Variants in PKIA observed in about 807,000 individuals in gnomAD.
PKIA encodes the protein cAMP-dependent protein kinase inhibitor alpha.
A neutral mutation model predicts 7.6 loss-of-function variants in PKIA; 4 were observed. The observed-to-expected ratio is 0.52, with a 90% CI of 0.26 to 1.20. The LOEUF is 1.20. PKIA is among the 50% of genes most tolerant of loss of function. The pLI is 0.13. For missense variants in PKIA, 73 were observed against 86.2 expected, an observed-to-expected ratio of 0.85 and a Z score of 0.61; for synonymous variants, 21 against 30.7, an observed-to-expected ratio of 0.68 and a Z score of 1.04.
At chr8:78,568,258 A>G (rs1014334611) in intron 1 of PKIA, among the ~76,000 whole-genome samples, 1 of 152,200 alleles carries the variant, frequency 6.6e-6, no homozygotes. Context: ...TACCTCATGA[A>G]TCAGTCTAGC....
chr8:78,540,906 A>T (rs1479453523), intron 1 of PKIA, among the ~76,000 whole-genome samples: 1 of 152,056 alleles, frequency 6.6e-6, no homozygotes, highest in Non-Finnish European at 1.5e-5. Context: ...TTAATTTTGA[A>T]TAGCACATTA....
chr8:78,587,239 TG>T (rs1197463864), intron 2 of PKIA, among the ~76,000 whole-genome samples: 1 of 152,214 alleles, frequency 6.6e-6, no homozygotes, highest in Non-Finnish European at 1.5e-5. Flanking sequence ...CTTTCTTCCT[TG>T]GACTCTTACA....
At chr8:78,553,642 A>G (rs892445912) in intron 1 of PKIA, among the ~76,000 whole-genome samples, 13 of 151,522 alleles carry the variant, frequency 8.6e-5, no homozygotes, top group African/African-American at 2.9e-4. Context: ...TGCACTGCCA[A>G]TTTTTGGTCC....
intron 1 of PKIA, among the ~76,000 whole-genome samples, chr8:78,524,487 A>G (rs995114906): frequency 6.6e-5 from 10 of 151,666 alleles, no homozygotes; most frequent in South Asian, 2.1e-4. Flanking sequence ...AAGCTGAGAT[A>G]AAATGGGGCT....
At chr8:78,580,714 A>T (rs1462058675) in intron 2 of PKIA, among the ~76,000 whole-genome samples, 1 of 152,048 alleles carries the variant, frequency 6.6e-6, no homozygotes, top group Non-Finnish European at 1.5e-5. Context: ...AATTTGTTAA[A>T]ATACAGGGAG....
intron 1 of PKIA, among the ~76,000 whole-genome samples, chr8:78,547,901 TA>T: frequency 6.6e-6 from 1 of 152,280 alleles, no homozygotes; most frequent in South Asian, 2.1e-4. Flanking sequence ...CTACATGACC[TA>T]CTTTGTCCAG....
At chr8:78,549,504 T>G (rs1243202898) in intron 1 of PKIA, among the ~76,000 whole-genome samples, 1 of 151,986 alleles carries the variant, frequency 6.6e-6, no homozygotes. Context: ...TATAATTGAT[T>G]TAGAAATTCC....
intron 1 of PKIA, among the ~76,000 whole-genome samples, chr8:78,570,372 G>A (rs1807516676): frequency 1.3e-5 from 2 of 152,174 alleles, no homozygotes; most frequent in Admixed American, 1.3e-4. Flanking sequence ...GATGTCAGAA[G>A]TATTGGCATA....
Position 78,519,498 on chromosome 8 carries a change from A to C in PKIA, c.-157+3030A>C, listed in dbSNP as rs574559751. The stretch of plus-strand genomic sequence containing the variant: ...AATGTTGAAATGGAAAAGGAAAAAG[A>C]ATAGCAATAATAAGGCTCAAATAGA... On this transcript the variant is annotated intron_variant, in intron 1 of 3. Transcript: ENST00000396418. 2.1e-4 allele frequency among the ~76,000 whole-genome samples: 32 copies of C among 152,286 alleles called. No homozygotes were observed. The South Asian group carries it at 6.4e-3, about 31-fold the overall frequency.
chr8:78,540,113 T>C (rs1306216486), intron 1 of PKIA, among the ~76,000 whole-genome samples: 4 of 149,886 alleles, frequency 2.7e-5, no homozygotes, highest in African/African-American at 7.3e-5. Context: ...AGAAGCCTGA[T>C]TGTAGGAGAT....
At chr8:78,568,402 AT>A (rs1161413684) in intron 1 of PKIA, among the ~76,000 whole-genome samples, 1 of 152,188 alleles carries the variant, frequency 6.6e-6, no homozygotes, top group African/African-American at 2.4e-5. Context: ...CATGGTGTAT[AT>A]AGTCAAACTT....
chr8:78,543,645 A>G (rs890415948), intron 1 of PKIA, among the ~76,000 whole-genome samples: 3 of 152,208 alleles, frequency 2.0e-5, no homozygotes, highest in Non-Finnish European at 4.4e-5. Context: ...AGAGGCTGGT[A>G]TGGTGGTGCC....
At chr8:78,522,390 T>C (rs1270394093) in intron 1 of PKIA, among the ~76,000 whole-genome samples, 1 of 151,918 alleles carries the variant, frequency 6.6e-6, no homozygotes, top group African/African-American at 2.4e-5. Flanking sequence ...AGTGGAATTA[T>C]TGGGTCAGAG....
At chr8:78,523,973 T>C (rs1477785340) in intron 1 of PKIA, among the ~76,000 whole-genome samples, 3 of 124,796 alleles carry the variant, frequency 2.4e-5, no homozygotes, top group Non-Finnish European at 5.2e-5. Context: ...TATATAAACA[T>C]TTATATTTAT....
intron 1 of PKIA, among the ~76,000 whole-genome samples, chr8:78,570,922 CTTA>C (rs1807532138): frequency 6.6e-6 from 1 of 152,124 alleles, no homozygotes; most frequent in Non-Finnish European, 1.5e-5. Context: ...ATATTTCTCA[CTTA>C]TTATTGGTCC....
chr8:78,534,586 ATTC>A, intron 1 of PKIA: 1 of 152,122 alleles, frequency 6.6e-6, no homozygotes, highest in Admixed American at 6.6e-5. Flanking sequence ...CACATATACT[ATTC>A]CAGGTATGGT....
chr8:78,566,624 T>G (rs1807420527), intron 1 of PKIA, among the ~76,000 whole-genome samples: 1 of 152,100 alleles, frequency 6.6e-6, no homozygotes, highest in Non-Finnish European at 1.5e-5. Flanking sequence ...GAGTTTTCTG[T>G]TTTGGAAAAG....
chr8:78,601,274 T>C (rs1368064784), intron 3 of PKIA, among the ~76,000 whole-genome samples: 1 of 152,084 alleles, frequency 6.6e-6, no homozygotes, highest in African/African-American at 2.4e-5. Flanking sequence ...TCTGAGAAAT[T>C]AGCTGGGTTA....
chr8:78,598,317 C>T, intron 2 of PKIA, 41 bp from the exon 3 acceptor site: 1 of 1,252,236 alleles, frequency 8.0e-7, no homozygotes, highest in Admixed American at 1.9e-5. Context: ...TTAGCATTGA[C>T]TACCATTATA....
Sources: allele counts gnomAD v4.1 joint callset (sites outside exome capture counted in the v4.1 genomes callset), GRCh38; gene constraint gnomAD v4.1.1; transcripts MANE v1.5; gene names NCBI Gene and HGNC (gene_info 2026-07-23, HGNC 2026-07-21).